Variants in LRP1B observed in about 807,000 individuals in gnomAD.
LRP1B encodes the protein low-density lipoprotein receptor-related protein 1B.
A neutral mutation model predicts 556.6 loss-of-function variants in LRP1B; 217 were observed. That is an observed-to-expected ratio of 0.39 (90% confidence interval 0.35 to 0.44). The LOEUF (loss-of-function observed/expected upper bound fraction) is 0.44. LRP1B is among the 20% of genes least tolerant of loss of function. The probability of loss-of-function intolerance (pLI) is 1.00; values close to 1 mark genes in which losing one functional copy is unlikely to be tolerated. For missense variants in LRP1B, 5,053 were observed against 5,620.8 expected (o/e 0.90, Z 3.23); for synonymous variants, 2,047 against 1,865.8 (o/e 1.10, Z -2.50).
chr2:140,711,709 G>C (rs1405359450), intron 37 of LRP1B, among the ~76,000 whole-genome samples: 1 of 152,060 alleles, frequency 6.6e-6, no homozygotes, highest in African/African-American at 2.4e-5. Context: ...TGCTACAATA[G>C]CTTCAGCAAA....
At chr2:141,744,658 G>A (rs758192673) in intron 2 of LRP1B, among the ~76,000 whole-genome samples, 1 of 152,078 alleles carries the variant, frequency 6.6e-6, no homozygotes, top group Non-Finnish European at 1.5e-5. Flanking sequence ...TGTCTAAAAG[G>A]TCATACATCT....
chr2:140,942,599 A>G (rs1387659819), intron 20 of LRP1B, among the ~76,000 whole-genome samples: 2 of 152,168 alleles, frequency 1.3e-5, no homozygotes, highest in Non-Finnish European at 2.9e-5. Context: ...TCCTCTGCAG[A>G]AACCTTTCAA....
chr2:140,657,127 T>C (rs1458389913), intron 41 of LRP1B, among the ~76,000 whole-genome samples: 1 of 152,062 alleles, frequency 6.6e-6, no homozygotes, highest in African/African-American at 2.4e-5. Flanking sequence ...GATATATACA[T>C]GAGTGTTTTC....
chr2:141,409,178 T>C lies in LRP1B; in HGVS notation c.343+71218A>G, dbSNP rs958124926. Among the ~76,000 whole-genome samples, 4 of 152,202 alleles carry C rather than the reference T, an allele frequency of 2.6e-5. No individual in the cohort carries two copies. In the South Asian group the frequency reaches 6.2e-4, roughly 24 times the overall value. The stretch of plus-strand genomic sequence containing the variant: ...CAAATTAAATGGGATAATATTAATA[T>C]ATGCAATAGTCTTGACACACGTTAA... On this transcript the variant is annotated intron_variant, in intron 3 of 90. Coordinates refer to ENST00000389484, the MANE Select transcript of LRP1B (RefSeq NM_018557.3).
chr2:141,624,048 G>GAAAAA (rs1688613155), intron 2 of LRP1B, among the ~76,000 whole-genome samples: 1 of 57,608 alleles, frequency 1.7e-5, no homozygotes. Flanking sequence ...AAAAAAAAAA[G>GAAAAA]AAAAGAAAAA....
At chr2:141,917,673 T>C (rs1700074963) in intron 1 of LRP1B, among the ~76,000 whole-genome samples, 1 of 152,218 alleles carries the variant, frequency 6.6e-6, no homozygotes, top group Non-Finnish European at 1.5e-5. Context: ...TGGATGTTAG[T>C]ACATTAACCA....
chr2:141,285,618 G>C (rs1342078735), intron 3 of LRP1B, among the ~76,000 whole-genome samples: 3 of 147,864 alleles, frequency 2.0e-5, no homozygotes, highest in Non-Finnish European at 3.0e-5. Flanking sequence ...ACCAAGGCCG[G>C]CTGATTTTTT....
intron 41 of LRP1B, among the ~76,000 whole-genome samples, chr2:140,611,942 C>G (rs1328740030): frequency 1.3e-5 from 2 of 151,922 alleles, no homozygotes. Flanking sequence ...TTGAAATGTA[C>G]TATAAATAAA....
intron 2 of LRP1B, among the ~76,000 whole-genome samples, chr2:141,556,993 T>C (rs1685982044): frequency 1.3e-5 from 2 of 151,832 alleles, no homozygotes; most frequent in Non-Finnish European, 2.9e-5. Flanking sequence ...GAGGATTGGA[T>C]GTAAATAATA....
intron 7 of LRP1B, among the ~76,000 whole-genome samples, chr2:141,183,313 C>T (rs753289081): frequency 6.6e-6 from 1 of 152,030 alleles, no homozygotes; most frequent in Non-Finnish European, 1.5e-5. Flanking sequence ...GGCAAACCCG[C>T]TTCATTTGCT....
chr2:140,601,818 T>C (rs1442562805), intron 41 of LRP1B, among the ~76,000 whole-genome samples, 179 bp from the exon 42 acceptor site: 1 of 152,120 alleles, frequency 6.6e-6, no homozygotes, highest in Non-Finnish European at 1.5e-5. Flanking sequence ...TTATTATACA[T>C]ATATAATGGG....
At chr2:141,019,262 A>G (rs755160575) in intron 12 of LRP1B, among the ~76,000 whole-genome samples, 2 of 152,114 alleles carry the variant, frequency 1.3e-5, no homozygotes, top group Non-Finnish European at 2.9e-5. Flanking sequence ...ATGTCCCTAT[A>G]TGGAAATTAC....
intron 66 of LRP1B, among the ~76,000 whole-genome samples, chr2:140,429,678 GT>G (rs2105280811): frequency 6.6e-6 from 1 of 152,204 alleles, no homozygotes; most frequent in South Asian, 2.1e-4. Context: ...CCTAGGCATG[GT>G]TAGTGCAGTC....
intron 2 of LRP1B, among the ~76,000 whole-genome samples, chr2:141,563,821 C>G (rs1161658293): frequency 6.6e-6 from 1 of 151,886 alleles, no homozygotes; most frequent in African/African-American, 2.4e-5. Context: ...AAGCTAAACA[C>G]TGAGTACTTA....
chr2:140,572,936 T>C (rs574864643), intron 43 of LRP1B, among the ~76,000 whole-genome samples: 2 of 151,882 alleles, frequency 1.3e-5, no homozygotes, highest in African/African-American at 4.8e-5. Context: ...TTTTCACTCA[T>C]GTGTAGAAGC....
intron 35 of LRP1B, among the ~76,000 whole-genome samples, chr2:140,764,955 C>T (rs1440262115): frequency 4.6e-5 from 7 of 152,038 alleles, no homozygotes; most frequent in African/African-American, 1.4e-4. Context: ...CTAGTAAGTT[C>T]CAGACAATGA....
At position 141,480,395 on chromosome 2, in the gene LRP1B, C is replaced by G. The variant is rs2105089681; in HGVS notation, c.343+1G>C. 6.2e-7 allele frequency: 1 copy of G among 1,613,818 alleles called. No individual in the cohort carries two copies. Among genetic ancestry groups the G allele is most frequent in the Non-Finnish European group, 8.5e-7 (1 of 1,179,870 alleles). On this transcript the variant is annotated splice_donor_variant, in intron 3 of 90. Coordinates refer to ENST00000389484, the MANE Select transcript of LRP1B (RefSeq NM_018557.3). LOFTEE classifies it high-confidence loss of function. ...TTGCATTGTTCCACAAATGGACTCACCCTGACAATGTACTCCTTCGTCATA... is the reference window on the plus strand; with the variant it reads ...TTGCATTGTTCCACAAATGGACTCAGCCTGACAATGTACTCCTTCGTCATA...
At chr2:140,874,293 A>C (rs1693234599) in intron 25 of LRP1B, among the ~76,000 whole-genome samples, 1 of 152,114 alleles carries the variant, frequency 6.6e-6, no homozygotes, top group African/African-American at 2.4e-5. Context: ...TTTTTTTTTA[A>C]CACAAAGTTC....
chr2:140,655,674 G>A lies in LRP1B; in HGVS notation c.6799+44576C>T, dbSNP rs1191154782. On this transcript the variant is annotated intron_variant, in intron 41 of 90. Coordinates refer to ENST00000389484, the MANE Select transcript of LRP1B (RefSeq NM_018557.3). ...TAAAAGAATAGGCGCCAGGCGCGGT[G>A]GCTCACGCCTGCAATCCCAGCACTT... Among the ~76,000 whole-genome samples, 5 of 152,336 alleles carry A rather than the reference G, an allele frequency of 3.3e-5. No individual in the cohort carries two copies. In the South Asian group the frequency reaches 6.2e-4, roughly 19 times the overall value.
Sources: gnomAD v4.1 joint callset for allele counts (sites outside exome capture counted in the v4.1 genomes callset) on GRCh38, gnomAD v4.1.1 for gene constraint, MANE v1.5 for transcripts, NCBI Gene and HGNC (gene_info 2026-07-23, HGNC 2026-07-21) for gene names.